The following LIPI variants were observed in gnomAD, a reference collection of about 807,000 sequenced individuals.
The protein encoded by LIPI is lipase member I.
LIPI carries 59 observed loss-of-function variants against 50.6 expected under a neutral mutation model. That is an observed-to-expected ratio of 1.16 (90% CI 0.94 to 1.45). LIPI has a LOEUF of 1.45. Among genes scored for constraint, LIPI ranks in the 40% most tolerant of loss-of-function variants. The pLI, the probability that LIPI is intolerant of heterozygous loss-of-function variation, is 0.00. For synonymous variants in LIPI, 203 were observed against 178.2 expected (o/e 1.14, Z -1.11); for missense variants, 586 against 536.3 (o/e 1.09, Z -0.92).
chr21:14,136,594 G>C (rs769453556), intron 9 of LIPI, among the ~76,000 whole-genome samples: 29 of 151,954 alleles, frequency 1.9e-4, no homozygotes, highest in Admixed American at 1.4e-3. Flanking sequence ...GACTCTAGTC[G>C]CTGACCCCTG....
At position 14,132,781 on chromosome 21, in the gene LIPI, A is replaced by T. The variant is rs773480187; in HGVS notation, c.1295+11842T>A. 1.2e-4 allele frequency among the ~76,000 whole-genome samples: 19 copies of T among 152,260 alleles called. 2 individuals carry two copies. In the Middle Eastern group the frequency reaches 0.014, roughly 109 times the overall value. On this transcript the variant is annotated intron_variant, in intron 9 of 9. Coordinates refer to ENST00000681601, the MANE Select transcript of LIPI (RefSeq NM_001302998.2). Reference sequence around the variant, plus strand: ...GCTAGGCTAACCAAAAACAGAGAAGATCCAAATAAACACAATCTGTAAAGA... The same window carrying T: ...GCTAGGCTAACCAAAAACAGAGAAGTTCCAAATAAACACAATCTGTAAAGA...
intron 9 of LIPI, among the ~76,000 whole-genome samples, chr21:14,136,489 A>G (rs1197238068): frequency 6.6e-6 from 1 of 152,000 alleles, no homozygotes; most frequent in Admixed American, 6.6e-5. Flanking sequence ...TGTCTTTGGA[A>G]AGGGGAGGGA....
At chr21:14,182,183 G>A (rs1451527203) in intron 3 of LIPI, among the ~76,000 whole-genome samples, 1 of 151,924 alleles carries the variant, frequency 6.6e-6, no homozygotes, top group African/African-American at 2.4e-5. Flanking sequence ...TCTCCTGAAG[G>A]AAAAAAATAA....
intron 9 of LIPI, among the ~76,000 whole-genome samples, chr21:14,119,033 C>A (rs2016762948): frequency 6.6e-6 from 1 of 152,184 alleles, no homozygotes; most frequent in Non-Finnish European, 1.5e-5. Context: ...TGCACAAATA[C>A]CTGCTAGTGC....
chr21:14,202,505 A>G (rs1249306775), intron 1 of LIPI, among the ~76,000 whole-genome samples: 2 of 152,174 alleles, frequency 1.3e-5, no homozygotes, highest in Non-Finnish European at 2.9e-5. Flanking sequence ...ATGGAACAGA[A>G]CAGAGCCCTC....
intron 9 of LIPI, among the ~76,000 whole-genome samples, chr21:14,141,971 C>T (rs1051377690): frequency 6.6e-6 from 1 of 152,146 alleles, no homozygotes; most frequent in Non-Finnish European, 1.5e-5. Flanking sequence ...GCATGCACTA[C>T]AACTTCTAGA....
At chr21:14,161,795 T>A (rs531943581) in intron 7 of LIPI, among the ~76,000 whole-genome samples, 473 of 37,276 alleles carry the variant, frequency 0.013, 127 homozygotes, top group African/African-American at 0.088. Context: ...ATATACATTA[T>A]TATATATTAA....
intron 9 of LIPI, among the ~76,000 whole-genome samples, chr21:14,133,903 A>G (rs1188672254): frequency 2.0e-5 from 3 of 152,212 alleles, no homozygotes; most frequent in African/African-American, 7.2e-5. Flanking sequence ...TAAAATACTT[A>G]GGAATATAGT....
chr21:14,199,536 C>T (rs918871751), intron 1 of LIPI, among the ~76,000 whole-genome samples: 4 of 150,852 alleles, frequency 2.7e-5, no homozygotes, highest in Admixed American at 6.6e-5. Context: ...AGACAGACTT[C>T]AGGAAGAATT....
intron 3 of LIPI, among the ~76,000 whole-genome samples, chr21:14,185,531 A>T (rs1246558585): frequency 6.6e-6 from 1 of 152,210 alleles, no homozygotes; most frequent in Non-Finnish European, 1.5e-5. Flanking sequence ...TAACATAGAA[A>T]AAATAAATGT....
At chr21:14,192,953 A>G (rs2019726107) in intron 1 of LIPI, among the ~76,000 whole-genome samples, 1 of 152,244 alleles carries the variant, frequency 6.6e-6, no homozygotes, top group African/African-American at 2.4e-5. Context: ...AAAGACAAAT[A>G]TATGACAAAT....
intron 9 of LIPI, among the ~76,000 whole-genome samples, chr21:14,121,291 G>A (rs1205007255): frequency 6.6e-6 from 1 of 152,194 alleles, no homozygotes; most frequent in Non-Finnish European, 1.5e-5. Flanking sequence ...AAGGTTGAGA[G>A]AATGAACAAG....
intron 1 of LIPI, chr21:14,206,855 G>A: frequency 6.2e-7 from 1 of 1,612,332 alleles, no homozygotes; most frequent in Non-Finnish European, 8.5e-7. Flanking sequence ...GGACATTTCT[G>A]GGTGAGAACT....
intron 3 of LIPI, among the ~76,000 whole-genome samples, chr21:14,183,250 G>A (rs1048002206): frequency 2.0e-5 from 3 of 151,930 alleles, no homozygotes; most frequent in East Asian, 3.9e-4. Context: ...AATAAATGGT[G>A]CTGGGAAAAC....
intron 3 of LIPI, among the ~76,000 whole-genome samples, chr21:14,185,624 T>C (rs1057185439): frequency 3.3e-5 from 5 of 152,176 alleles, no homozygotes; most frequent in African/African-American, 1.2e-4. Flanking sequence ...ATGCCTGTAA[T>C]CCAAGTACTT....
chr21:14,120,909 G>A (rs537043438), intron 9 of LIPI, among the ~76,000 whole-genome samples: 2 of 152,324 alleles, frequency 1.3e-5, no homozygotes, highest in East Asian at 3.9e-4. Context: ...CCATCTGTGA[G>A]CAGTGTGTTA....
chr21:14,179,531 A>G (rs1413424770), intron 4 of LIPI, among the ~76,000 whole-genome samples: 1 of 152,188 alleles, frequency 6.6e-6, no homozygotes, highest in Non-Finnish European at 1.5e-5. Context: ...AAAATAATAA[A>G]AAGTATGAAG....
chr21:14,162,660 A>AT (rs1377211511), intron 7 of LIPI, among the ~76,000 whole-genome samples: 1 of 151,894 alleles, frequency 6.6e-6, no homozygotes, highest in African/African-American at 2.4e-5. Flanking sequence ...GACAGCCCCA[A>AT]TTCTGTTTGA....
intron 1 of LIPI, among the ~76,000 whole-genome samples, chr21:14,196,124 G>A (rs764043270): frequency 6.6e-5 from 1 of 15,222 alleles, no homozygotes; most frequent in Admixed American, 5.7e-4. Context: ...CGAGTTCGTA[G>A]CGTTTTTTTT....
Sources: allele counts gnomAD v4.1 joint callset (sites outside exome capture counted in the v4.1 genomes callset), GRCh38; gene constraint gnomAD v4.1.1; transcripts MANE v1.5; gene names NCBI Gene and HGNC (gene_info 2026-07-23, HGNC 2026-07-21).